The following DIP2C variants were observed in gnomAD, a reference collection of about 807,000 sequenced individuals.
The protein encoded by DIP2C is disco-interacting protein 2 homolog C.
A neutral mutation model predicts 192.4 loss-of-function variants in DIP2C; 33 were observed. The observed-to-expected ratio is 0.17, with a 90% CI of 0.13 to 0.23. The LOEUF is 0.23. Ranked by LOEUF, DIP2C falls within the 10% of genes least tolerant of loss-of-function variation. The pLI, the probability that DIP2C is intolerant of heterozygous loss-of-function variation, is 1.00. For missense variants in DIP2C, 1,537 were observed against 2,110.1 expected (o/e 0.73, Z 5.32); for synonymous variants, 979 against 864.1 (o/e 1.13, Z -2.33).
In DIP2C at chr10:369,495, T is replaced by C. The variant is rs765106915; in HGVS notation, c.2130A>G (p.Gly710=). The change falls in exon 18 of 37, where the codon GGA becomes GGG. Residue 710 remains glycine (G), a splice_region_variant and synonymous_variant. Transcript: ENST00000280886. ...TVQDVGLVMP[G]AIMCSVKPDG... is the part of the protein sequence containing the mutation. ...GTGCAGCTCGCGACCCACACTCACC[T>C]CCAGGCATCACGAGGCCGACATCCT... 2.6e-6 allele frequency: 4 copies of C among 1,545,792 alleles called. No homozygotes were observed. Among genetic ancestry groups the C allele is most frequent in the Non-Finnish European group, 3.5e-6 (4 of 1,143,052 alleles).
At chr10:374,393 C>T (rs1346007917) in intron 17 of DIP2C, among the ~76,000 whole-genome samples, 1 of 152,214 alleles carries the variant, frequency 6.6e-6, no homozygotes. Context: ...GCACCTCACA[C>T]TGGCTGTATT....
At chr10:560,507 G>C (rs1487311741) in intron 1 of DIP2C, among the ~76,000 whole-genome samples, 2 of 152,196 alleles carry the variant, frequency 1.3e-5, no homozygotes, top group African/African-American at 4.8e-5. Context: ...GTGAACACGT[G>C]AATCAGTTCT....
intron 1 of DIP2C, among the ~76,000 whole-genome samples, chr10:494,608 T>A (rs2133605012): frequency 6.6e-6 from 1 of 151,720 alleles, no homozygotes; most frequent in Admixed American, 6.6e-5. Flanking sequence ...CAGAGAGAGG[T>A]GTAATGAGGA....
chr10:281,418 T>A, intron 35 of DIP2C, 95 bp from the exon 36 acceptor site: 1 of 1,473,026 alleles, frequency 6.8e-7, no homozygotes, highest in Admixed American at 2.3e-5. Flanking sequence ...GACCCCCAAG[T>A]GAGACAGGGA....
chr10:433,338 G>A (rs1966914062), intron 4 of DIP2C, among the ~76,000 whole-genome samples: 1 of 152,110 alleles, frequency 6.6e-6, no homozygotes, highest in Non-Finnish European at 1.5e-5. Context: ...AACTTCCCTT[G>A]ATGTAAAGCC....
At chr10:418,938 T>C in intron 6 of DIP2C, 127 bp downstream of exon 6, 4 of 1,405,002 alleles carry the variant, frequency 2.8e-6, no homozygotes, top group Non-Finnish European at 3.8e-6. Flanking sequence ...CTCCCGAAGA[T>C]CTGATAAATT....
chr10:591,418 C>G (rs1467381434), intron 1 of DIP2C, among the ~76,000 whole-genome samples: 1 of 152,188 alleles, frequency 6.6e-6, no homozygotes, highest in Non-Finnish European at 1.5e-5. Flanking sequence ...AGCCACCATG[C>G]CCTGCCATTA....
At chr10:470,600 G>A (rs116004487) in intron 3 of DIP2C, among the ~76,000 whole-genome samples, 124 of 152,338 alleles carry the variant, frequency 8.1e-4, no homozygotes, top group African/African-American at 2.8e-3. Context: ...TGCTTATCTC[G>A]TGGAGTAGCT....
chr10:399,023 C>G, intron 10 of DIP2C, 86 bp downstream of exon 10: 1 of 1,168,318 alleles, frequency 8.6e-7, no homozygotes, highest in Non-Finnish European at 1.3e-6. Context: ...CCAGAAACAG[C>G]GAGGAGACCC....
chr10:613,884 G>A (rs564051581), intron 1 of DIP2C, among the ~76,000 whole-genome samples: 1 of 152,102 alleles, frequency 6.6e-6, no homozygotes, highest in Admixed American at 6.5e-5. Context: ...GCCATCTGAT[G>A]GCATCACTCC....
chr10:381,929 C>T (rs1035408500), intron 17 of DIP2C, among the ~76,000 whole-genome samples: 8 of 152,208 alleles, frequency 5.3e-5, no homozygotes, highest in East Asian at 1.9e-4. Context: ...CGTTGACAGC[C>T]GACACAACTT....
intron 2 of DIP2C, among the ~76,000 whole-genome samples, chr10:481,726 A>C (rs1843626360): frequency 6.6e-6 from 1 of 152,168 alleles, no homozygotes; most frequent in South Asian, 2.1e-4. Flanking sequence ...CGTGGATCTG[A>C]GCATCATGCG....
At chr10:517,747 T>G (rs1267111766) in intron 1 of DIP2C, among the ~76,000 whole-genome samples, 3 of 152,148 alleles carry the variant, frequency 2.0e-5, no homozygotes, top group African/African-American at 4.8e-5. Context: ...CACAAGTATG[T>G]TACACTGAAT....
intron 1 of DIP2C, among the ~76,000 whole-genome samples, chr10:610,609 T>C (rs936058902): frequency 1.2e-4 from 18 of 152,372 alleles, no homozygotes; most frequent in Admixed American, 1.0e-3. Context: ...GACAGAATCG[T>C]TTGCGAAGCA....
At chr10:493,554 C>T (rs550660127) in intron 1 of DIP2C, among the ~76,000 whole-genome samples, 1 of 152,196 alleles carries the variant, frequency 6.6e-6, no homozygotes, top group Non-Finnish European at 1.5e-5. Context: ...GCATGGCCCG[C>T]CGCCTGCTGT....
At chr10:335,656 C>T (rs1316994149) in intron 29 of DIP2C, among the ~76,000 whole-genome samples, 6 of 152,232 alleles carry the variant, frequency 3.9e-5, no homozygotes, top group South Asian at 4.1e-4. Context: ...CAGGCATCTT[C>T]GGCAGGAGTA....
At chr10:560,273 C>CAA (rs1477287371) in intron 1 of DIP2C, among the ~76,000 whole-genome samples, 1 of 151,960 alleles carries the variant, frequency 6.6e-6, no homozygotes, top group Non-Finnish European at 1.5e-5. Context: ...GGAGGAGTCA[C>CAA]AAAGAGGGGA....
intron 3 of DIP2C, among the ~76,000 whole-genome samples, chr10:446,377 T>C (rs376990901): frequency 6.6e-6 from 1 of 152,164 alleles, no homozygotes; most frequent in Non-Finnish European, 1.5e-5. Flanking sequence ...TGGGCATCTG[T>C]ATACCTCTGT....
rs538087929 is a variant in DIP2C at position 317,790 on chromosome 10, A to G, written c.3925-7698T>C. Among the ~76,000 whole-genome samples the G allele has an allele frequency of 6.6e-4, 101 of 152,354 alleles. 1 individual carries two copies. Among genetic ancestry groups the G allele is most frequent in the Admixed American group, 2.2e-3 (34 of 15,302 alleles). On this transcript the variant is annotated intron_variant, in intron 31 of 36. Coordinates refer to ENST00000280886, the MANE Select transcript of DIP2C (RefSeq NM_014974.3). ...AGCACCTTGCAGATCCAACATGATT[A>G]TCTGTTCAGTGCAGTGTCCATCAGT...
Sources: gnomAD v4.1 joint callset for allele counts (sites outside exome capture counted in the v4.1 genomes callset) on GRCh38, gnomAD v4.1.1 for gene constraint, MANE v1.5 for transcripts, NCBI Gene and HGNC (gene_info 2026-07-23, HGNC 2026-07-21) for gene names.